The following EFNA4 variants were observed in gnomAD, a reference collection of about 807,000 sequenced individuals.
The protein encoded by EFNA4 is ephrin A4, also known as ephrin-A4.
A neutral mutation model predicts 23.7 loss-of-function variants in EFNA4; 22 were observed. The observed-to-expected ratio is 0.93, with a 90% confidence interval of 0.66 to 1.32. The LOEUF is 1.32. Among genes scored for constraint, EFNA4 ranks in the 40% most tolerant of loss-of-function variants. EFNA4 has a pLI of 0.00. For synonymous variants in EFNA4, 113 were observed against 108.3 expected (o/e 1.04, Z -0.27); for missense variants, 252 against 252.3 (o/e 1.00, Z 0.01).
Position 155,063,924 on chromosome 1 carries a change from C to G in EFNA4, c.101C>G (p.Ser34Cys). 2.6e-6 allele frequency: 4 copies of G among 1,563,036 alleles called. No homozygotes were observed. Among genetic ancestry groups the G allele is most frequent in the Non-Finnish European group, 3.5e-6 (4 of 1,156,376 alleles). The change falls in exon 1 of 4, where the codon TCC becomes TGC. Residue 34 changes from serine to cysteine, a missense_variant. Coordinates refer to ENST00000368409, the MANE Select transcript of EFNA4 (RefSeq NM_005227.3). This position sits in a 1 kb window ranked among gnomAD's most constrained non-coding sequence, Gnocchi z 4.1. ...SSLRHVVYWNSSNPRLLRGDA... is the reference protein window; with the variant it reads ...SSLRHVVYWNCSNPRLLRGDA... ...CTCCGCCACGTAGTCTACTGGAACT[C>G]CAGTAACCCCAGGTAGCCGGGCCGA... is the stretch of plus-strand genomic sequence containing the variant.
At chr1:155,067,331 G>T (rs1663076405) in intron 2 of EFNA4, 41 bp from the exon 3 acceptor site, 2 of 1,609,106 alleles carry the variant, frequency 1.2e-6, no homozygotes, top group Non-Finnish European at 1.7e-6. Flanking sequence ...ACAAAGGGGT[G>T]ACTCCCTGTG....
chr1:155,069,499 A>G lies in EFNA4; in HGVS notation c.*510A>G. On this transcript the variant is annotated 3_prime_UTR_variant, in exon 4 of 4. Transcript: ENST00000368409. The stretch of plus-strand genomic sequence containing the variant: ...ATTTCATGCCAGTTTGTATTTTTAT[A>G]AGTATCTAGACCAAACCTTCAATAA... 6.8e-6 allele frequency: 2 copies of G among 295,308 alleles called. No homozygotes were observed. The highest frequency in any genetic ancestry group is 1.2e-4 in the South Asian group (2 of 17,348). 18.3% of individuals were successfully genotyped at this position (295,308 alleles called of 1,614,324 possible).
chr1:155,063,865 G>A lies in EFNA4; in HGVS notation c.42G>A (p.Ala14=), dbSNP rs111269205. 30 of 1,556,088 alleles carry A rather than the reference G, an allele frequency of 1.9e-5. No homozygotes were observed. In the African/African-American group the frequency reaches 3.7e-4, roughly 19 times the overall value. The stretch of plus-strand genomic sequence containing the variant: ...TGCTGCGGACTGTCCTCTGGGCCGC[G>A]TTCCTCGGCTCCCCTCTGCGCGGGG... ...LPLLRTVLWA[A]FLGSPLRGGS... The change falls in exon 1 of 4, where the codon GCG becomes GCA. Residue 14 remains alanine, a synonymous_variant. Transcript: ENST00000368409. The surrounding 1 kb of genome is among the most constrained non-coding windows in gnomAD (Gnocchi z 4.1).
chr1:155,064,462 C>T (rs1187684884), intron 1 of EFNA4, among the ~76,000 whole-genome samples: 2 of 152,216 alleles, frequency 1.3e-5, no homozygotes, highest in Non-Finnish European at 2.9e-5. Flanking sequence ...GCCCTTCTAG[C>T]CGAATCACCT....
intron 1 of EFNA4, among the ~76,000 whole-genome samples, chr1:155,064,351 G>A (rs1248320156): frequency 6.6e-6 from 1 of 152,230 alleles, no homozygotes; most frequent in Admixed American, 6.5e-5. Context: ...TGCCCGCTGG[G>A]TCTCACCTCT....
At position 155,068,969 on chromosome 1, in the gene EFNA4, C is replaced by T. The variant is rs769941477; in HGVS notation, c.586C>T (p.Arg196Cys). The change falls in exon 4 of 4, where the codon CGT becomes TGT. Residue 196 changes from arginine to cysteine, a missense_variant. Arg to Cys is a radical substitution (Grantham distance 180). Coordinates refer to ENST00000368409, the MANE Select transcript of EFNA4 (RefSeq NM_005227.3). ...GCTATTACTGCTGCTTCTGATTCTT[C>T]GTCTTCTGCGAATTCTGTGAGCCAA... ...LLLLLLLLIL[R>C]LLRIL is the part of the protein sequence containing the mutation. 28 of 1,613,924 alleles carry T rather than the reference C, an allele frequency of 1.7e-5. No homozygotes were observed. Among genetic ancestry groups the T allele is most frequent in the Non-Finnish European group, 2.1e-5 (25 of 1,179,992 alleles).
In EFNA4 at chr1:155,064,522, T is replaced by C. The variant is rs576151937; in HGVS notation, c.113+586T>C. Among the ~76,000 whole-genome samples the C allele has an allele frequency of 1.3e-4, 20 of 152,294 alleles. 1 individual carries two copies. In the South Asian group the frequency reaches 4.1e-3, roughly 32 times the overall value. ...AACCTCATTTATCTCACCTGTATAATGGGCTAATAATACCTAGTACCCTGG... is the reference window on the plus strand; with the variant it reads ...AACCTCATTTATCTCACCTGTATAACGGGCTAATAATACCTAGTACCCTGG... On this transcript the variant is annotated intron_variant, in intron 1 of 3. Coordinates refer to ENST00000368409, the MANE Select transcript of EFNA4 (RefSeq NM_005227.3).
chr1:155,067,395 G>A lies in EFNA4; in HGVS notation c.424G>A (p.Gly142Ser). The change falls in exon 3 of 4, where the codon GGC (glycine) becomes AGC (serine). Residue 142 changes from glycine (G) to serine (S), a missense_variant. Gly to Ser is a moderately conservative substitution (Grantham distance 56). Transcript: ENST00000368409. ...YISVPTPESS[G>S]QCLRLQVSVC... Reference sequence around the variant, plus strand: ...AGCGGTGCCCACTCCAGAGAGTTCTGGCCAGTGCTTGAGGCTCCAGGTGTC... The same window carrying A: ...AGCGGTGCCCACTCCAGAGAGTTCTAGCCAGTGCTTGAGGCTCCAGGTGTC... 2 of 1,614,162 alleles carry A rather than the reference G, an allele frequency of 1.2e-6. No homozygotes were observed. The highest frequency in any genetic ancestry group is 1.1e-5 in the South Asian group (1 of 91,076).
Position 155,063,835 on chromosome 1 carries a change from G to A in EFNA4, c.12G>A (p.Leu4=). ...GGACCTCGGGGGCGATGCGGCTGCT[G>A]CCCCTGCTGCGGACTGTCCTCTGGG... is the stretch of plus-strand genomic sequence containing the variant. MRL[L]PLLRTVLWAA... The change falls in exon 1 of 4, where the codon CTG becomes CTA. Residue 4 remains leucine (L), a synonymous_variant. Transcript: ENST00000368409. This position sits in a 1 kb window ranked among gnomAD's most constrained non-coding sequence, Gnocchi z 4.1. 8 of 1,534,674 alleles carry A rather than the reference G, an allele frequency of 5.2e-6. No individual in the cohort carries two copies. Among genetic ancestry groups the A allele is most frequent in the Non-Finnish European group, 7.0e-6 (8 of 1,141,722 alleles).
chr1:155,067,491 A>G (rs761958643), intron 3 of EFNA4, 51 bp downstream of exon 3: 2 of 1,596,206 alleles, frequency 1.3e-6, no homozygotes, highest in Non-Finnish European at 8.6e-7. Flanking sequence ...GGCCTTGGGA[A>G]GGAGGGAAGG....
intron 1 of EFNA4, among the ~76,000 whole-genome samples, chr1:155,065,085 A>T (rs1419139814): frequency 6.6e-6 from 1 of 152,222 alleles, no homozygotes; most frequent in Admixed American, 6.5e-5. Flanking sequence ...TGGCTCATTC[A>T]TTCAATCCAC....
chr1:155,069,034 C>T lies in EFNA4; in HGVS notation c.*45C>T. 1 of 1,612,312 alleles carries T rather than the reference C, an allele frequency of 6.2e-7. No individual in the cohort carries two copies. ...TCATCCCAAGGAGCCAGAGTCCTCC[C>T]AAGATCCCCTGGAGGAGGAGGGATC... On this transcript the variant is annotated 3_prime_UTR_variant, in exon 4 of 4. Transcript: ENST00000368409.
intron 1 of EFNA4, among the ~76,000 whole-genome samples, chr1:155,064,755 ATTCAT>A (rs1297019132): frequency 1.3e-5 from 2 of 152,014 alleles, no homozygotes; most frequent in Non-Finnish European, 2.9e-5. Flanking sequence ...ATCTGTGACT[ATTCAT>A]TTCTTCACTC....
chr1:155,063,820 G>C lies in EFNA4; in HGVS notation c.-4G>C. 1 of 1,521,848 alleles carries C rather than the reference G, an allele frequency of 6.6e-7. No individual in the cohort carries two copies. The highest frequency in any genetic ancestry group is 1.2e-5 in the South Asian group (1 of 80,830). 94.3% of individuals were successfully genotyped at this position (1,521,848 alleles called of 1,614,324 possible). On this transcript the variant is annotated 5_prime_UTR_variant, in exon 1 of 4. Transcript: ENST00000368409. The surrounding 1 kb of genome is among the most constrained non-coding windows in gnomAD (Gnocchi z 4.1). ...AGGCCAGACCAAACCGGACCTCGGG[G>C]GCGATGCGGCTGCTGCCCCTGCTGC...
intron 1 of EFNA4, among the ~76,000 whole-genome samples, chr1:155,064,944 A>G (rs1662969878): frequency 2.6e-5 from 4 of 152,222 alleles, no homozygotes; most frequent in Admixed American, 2.6e-4. Flanking sequence ...TACAATACCA[A>G]TAACAAGTGA....
chr1:155,065,253 C>T (rs150033027), intron 1 of EFNA4, among the ~76,000 whole-genome samples: 57 of 152,320 alleles, frequency 3.7e-4, no homozygotes, highest in African/African-American at 1.3e-3. Flanking sequence ...AGAACTGATA[C>T]AGGTCGTCCT....
intron 3 of EFNA4, 115 bp downstream of exon 3, chr1:155,067,555 C>A: frequency 8.7e-7 from 1 of 1,151,322 alleles, no homozygotes; most frequent in Non-Finnish European, 1.3e-6. Flanking sequence ...AAGCTTCAAG[C>A]TGTGGTCTCT....
intron 2 of EFNA4, 105 bp downstream of exon 2, chr1:155,067,121 G>A (rs990418435): frequency 2.7e-5 from 37 of 1,381,654 alleles, no homozygotes; most frequent in African/African-American, 1.2e-4. Context: ...AATGTACATC[G>A]GGTTGAGGTA....
At position 155,069,318 on chromosome 1, in the gene EFNA4, A is replaced by C; in HGVS notation, c.*329A>C. 1 of 938,186 alleles carries C rather than the reference A, an allele frequency of 1.1e-6. No individual in the cohort carries two copies. The highest frequency in any genetic ancestry group is 1.9e-5 in the South Asian group (1 of 52,582). 58.1% of individuals were successfully genotyped at this position (938,186 alleles called of 1,614,324 possible). ...AAATCCTCAAGCCAGCTGGGGGCCC[A>C]GGCTGAAGACCTGGGGACAGGTCGA... is the stretch of plus-strand genomic sequence containing the variant. On this transcript the variant is annotated 3_prime_UTR_variant, in exon 4 of 4. Coordinates refer to ENST00000368409, the MANE Select transcript of EFNA4 (RefSeq NM_005227.3).
Sources: allele counts gnomAD v4.1 joint callset (sites outside exome capture counted in the v4.1 genomes callset), GRCh38; gene constraint gnomAD v4.1.1; non-coding constraint Gnocchi (gnomAD v3.1); transcripts MANE v1.5; gene names NCBI Gene and HGNC (gene_info 2026-07-23, HGNC 2026-07-21).